Variants in CHST7 observed in about 807,000 individuals in gnomAD.
The protein encoded by CHST7 is carbohydrate sulfotransferase 7.
In CHST7, 5 loss-of-function variants were observed where a neutral mutation model predicts 9.0. That is an observed-to-expected ratio of 0.56 (90% CI 0.29 to 1.17). The LOEUF (loss-of-function observed/expected upper bound fraction) is 1.17. Among genes scored for constraint, CHST7 ranks in the 50% most tolerant of loss-of-function variants. The pLI is 0.08. For synonymous variants in CHST7, 244 were observed against 237.1 expected (o/e 1.03, Z -0.27); for missense variants, 377 against 485.1 (o/e 0.78, Z 2.09).
chrX:46,588,195 A>C (rs980694457), intron 1 of CHST7, among the ~76,000 whole-genome samples: 2 of 111,297 alleles, frequency 1.8e-5, no homozygotes, highest in African/African-American at 6.5e-5. Context: ...CAAGACCAAG[A>C]AAAACTTGAA....
chrX:46,574,107 C>T lies in CHST7; in HGVS notation c.176C>T (p.Ala59Val), dbSNP rs1426519512. Residue 59 changes from alanine to valine, a missense_variant, in exon 1 of 2, where the codon GCG becomes GTG. By Grantham distance (64) the Ala-to-Val change is moderately conservative. Transcript: ENST00000276055. ...QRSLGVWSLEAAAAGEREQGA... is the reference protein window; with the variant it reads ...QRSLGVWSLEVAAAGEREQGA... ...AGCCTGGGAGTGTGGAGCCTGGAGG[C>T]GGCGGCGGCCGGCGAACGCGAGCAG... 5 of 1,154,986 alleles carry T rather than the reference C, an allele frequency of 4.3e-6. No individual in the cohort carries two copies. Among genetic ancestry groups the T allele is most frequent in the African/African-American group, 3.6e-5 (2 of 55,659 alleles).
In CHST7 at chrX:46,598,215, C is replaced by CCTGA. The variant is rs1328081526; in HGVS notation, c.*490_*493dup. 6 of 112,334 alleles carry CCTGA rather than the reference C, an allele frequency of 5.3e-5. No homozygotes were observed. Among genetic ancestry groups the CCTGA allele is most frequent in the Admixed American group, 9.5e-5 (1 of 10,579 alleles). The allele number at this position is 112,334 out of a possible 1,213,427, so 9.3% of individuals were successfully genotyped here. ...TAGGTCTGGGCAGTATTGTTTTTAA[C>CCTGA]CTGACTCATCCAGCTGTCCTTCAAA... On this transcript the variant is annotated 3_prime_UTR_variant, in exon 2 of 2. Transcript: ENST00000276055.
chrX:46,590,839 A>G (rs1198076011), intron 1 of CHST7, among the ~76,000 whole-genome samples: 1 of 112,065 alleles, frequency 8.9e-6, no homozygotes, highest in Non-Finnish European at 1.9e-5. Flanking sequence ...TTATCATTAC[A>G]TACCCTACCC....
At chrX:46,581,617 C>T (rs1189393703) in intron 1 of CHST7, among the ~76,000 whole-genome samples, 1 of 108,910 alleles carries the variant, frequency 9.2e-6, no homozygotes, top group African/African-American at 3.3e-5. Context: ...TTTTTTGAGG[C>T]GGAGTTTCGC....
chrX:46,594,599 T>A (rs867726833), intron 1 of CHST7, among the ~76,000 whole-genome samples: 1 of 111,526 alleles, frequency 9.0e-6, no homozygotes, highest in African/African-American at 3.3e-5. Flanking sequence ...GTCACCTCCT[T>A]CTGACCCCCA....
At position 46,574,813 on chromosome X, in the gene CHST7, G is replaced by A; in HGVS notation, c.882G>A (p.Leu294=). The part of the protein sequence containing the change: ...HNSRLKSRQG[L]LRESIQVLRT... ...CGCGCCTCAAGTCTAGGCAGGGACT[G>A]CTGCGCGAGAGCATCCAGGTGCTGC... The change falls in exon 1 of 2, where the codon CTG becomes CTA. Residue 294 remains leucine, a synonymous_variant. Coordinates refer to ENST00000276055, the MANE Select transcript of CHST7 (RefSeq NM_019886.4). 3.3e-6 allele frequency: 4 copies of A among 1,195,790 alleles called. No individual in the cohort carries two copies. The highest frequency in any genetic ancestry group is 1.7e-5 in the African/African-American group (1 of 57,648).
chrX:46,578,079 A>G (rs1204345766), intron 1 of CHST7, among the ~76,000 whole-genome samples: 1 of 110,358 alleles, frequency 9.1e-6, no homozygotes, highest in African/African-American at 3.3e-5. Flanking sequence ...CAAGTCACCA[A>G]GGACCTAGGC....
At chrX:46,586,986 C>T (rs1942552713) in intron 1 of CHST7, among the ~76,000 whole-genome samples, 1 of 111,074 alleles carries the variant, frequency 9.0e-6, no homozygotes, top group Non-Finnish European at 1.9e-5. Flanking sequence ...CCACCCGCCT[C>T]GGCCTCCCAA....
At chrX:46,588,040 GCTCT>G (rs1392118141) in intron 1 of CHST7, among the ~76,000 whole-genome samples, 1 of 111,772 alleles carries the variant, frequency 8.9e-6, no homozygotes, top group African/African-American at 3.3e-5. Flanking sequence ...GGAAATCTCA[GCTCT>G]CTCAAGTGCT....
chrX:46,574,367 G>T lies in CHST7; in HGVS notation c.436G>T (p.Ala146Ser). Residue 146 changes from alanine (A) to serine (S), a missense_variant, in exon 1 of 2, where the codon GCC becomes TCC. Ala to Ser is a moderately conservative substitution (Grantham distance 99, BLOSUM62 1). This residue lies in a region of CHST7 where 239 missense variants were observed against 325.7 expected (regional missense o/e 0.73). Transcript: ENST00000276055. ...HLWQALYPGD[A>S]ESLQGALRDM... The stretch of plus-strand genomic sequence containing the variant: ...ATGGCAGGCGCTGTATCCGGGCGAC[G>T]CCGAGAGCTTGCAGGGCGCGCTGCG... 1 of 1,209,334 alleles carries T rather than the reference G, an allele frequency of 8.3e-7. No homozygotes were observed. Among genetic ancestry groups the T allele is most frequent in the Non-Finnish European group, 1.1e-6 (1 of 895,357 alleles).
intron 1 of CHST7, among the ~76,000 whole-genome samples, chrX:46,585,769 G>A (rs1366652970): frequency 9.2e-6 from 1 of 108,339 alleles, no homozygotes; most frequent in Admixed American, 9.7e-5. Flanking sequence ...TTTTTGAGAC[G>A]GAGTCTTGCT....
rs1942486036 is a variant in CHST7 at position 46,574,498 on chromosome X, G to A, written c.567G>A (p.Thr189=). Residue 189 remains threonine (T), a synonymous_variant, in exon 1 of 2, where the codon ACG becomes ACA. Transcript: ENST00000276055. Reference sequence around the variant, plus strand: ...CCCCGGACACGGCCAATCTTACCACGGCCGCCCTCTTCCGCTGGCGGACTA... The same window carrying A: ...CCCCGGACACGGCCAATCTTACCACAGCCGCCCTCTTCCGCTGGCGGACTA... ...ARAPDTANLT[T]AALFRWRTNK... is the part of the protein sequence containing the mutation. 1 of 1,207,124 alleles carries A rather than the reference G, an allele frequency of 8.3e-7. No homozygotes were observed.
At chrX:46,588,542 C>A (rs1942559715) in intron 1 of CHST7, among the ~76,000 whole-genome samples, 1 of 111,357 alleles carries the variant, frequency 9.0e-6, no homozygotes, top group African/African-American at 3.3e-5. Context: ...GCAATTCAGG[C>A]TCCATAGACC....
intron 1 of CHST7, among the ~76,000 whole-genome samples, chrX:46,590,819 G>A (rs929485413): frequency 2.7e-5 from 3 of 111,848 alleles, no homozygotes; most frequent in Non-Finnish European, 5.6e-5. Flanking sequence ...ACTCTCTTGT[G>A]CTACCCTCAT....
At chrX:46,578,892 C>T (rs1196097736) in intron 1 of CHST7, among the ~76,000 whole-genome samples, 3 of 111,414 alleles carry the variant, frequency 2.7e-5, no homozygotes, top group Non-Finnish European at 5.7e-5. Flanking sequence ...CCTGGCTGAA[C>T]ATTACATTTA....
chrX:46,586,225 G>A (rs6521128), intron 1 of CHST7, among the ~76,000 whole-genome samples: 36,219 of 110,548 alleles, frequency 0.33, 5,666 homozygotes, highest in East Asian at 0.62. Context: ...ACAAGACCAT[G>A]GACAAGAAAG....
At chrX:46,588,194 G>C (rs1317876134) in intron 1 of CHST7, among the ~76,000 whole-genome samples, 3 of 111,264 alleles carry the variant, frequency 2.7e-5, no homozygotes, top group African/African-American at 9.8e-5. Flanking sequence ...GCAAGACCAA[G>C]AAAAACTTGA....
At chrX:46,586,863 G>A in intron 1 of CHST7, among the ~76,000 whole-genome samples, 1 of 110,171 alleles carries the variant, frequency 9.1e-6, no homozygotes, top group East Asian at 2.8e-4. Flanking sequence ...AGCCTCCTGA[G>A]TAGCTGGGAT....
At chrX:46,585,285 C>CTTTTTTTTTTTTT (rs1942543719) in intron 1 of CHST7, among the ~76,000 whole-genome samples, 1 of 67,521 alleles carries the variant, frequency 1.5e-5, no homozygotes, top group African/African-American at 7.8e-5. Flanking sequence ...TTCTTTTTTT[C>CTTTTTTTTTTTTT]TTTTCTTTTC....
Sources: allele counts gnomAD v4.1 joint callset (sites outside exome capture counted in the v4.1 genomes callset), GRCh38; gene constraint gnomAD v4.1.1; regional missense constraint gnomAD v4.1.1; transcripts MANE v1.5; gene names NCBI Gene and HGNC (gene_info 2026-07-23, HGNC 2026-07-21).